STIM1: variants seen among roughly 807,000 people sequenced by gnomAD.
STIM1 encodes the protein stromal interaction molecule 1.
A neutral mutation model predicts 74.7 loss-of-function variants in STIM1; 25 were observed. The ratio of observed to expected loss-of-function variants is 0.33; its 90% CI spans 0.24 to 0.47. The LOEUF (loss-of-function observed/expected upper bound fraction) is 0.47, where lower values mean the gene tolerates loss of function less well. STIM1 is among the 20% of genes least tolerant of loss of function. STIM1 has a pLI of 1.00. For missense variants in STIM1, 728 were observed against 920.8 expected (o/e 0.79, Z 2.71); for synonymous variants, 328 against 348.8 (o/e 0.94, Z 0.66).
chr11:4,089,080 C>G (rs539575909), intron 12 of STIM1: 1 of 289,010 alleles, frequency 3.5e-6, no homozygotes, highest in African/African-American at 2.2e-5. Context: ...AAAAAAAAAT[C>G]AAAAATTTAG....
At chr11:4,082,486 T>C in intron 8 of STIM1, 135 bp downstream of exon 8, 1 of 976,568 alleles carries the variant, frequency 1.0e-6, no homozygotes, top group South Asian at 1.5e-5. Flanking sequence ...GTTCTGTTTC[T>C]TTCCTAATGT....
chr11:3,855,203 A>G (rs4367942), upstream of STIM1: 131,906 of 152,582 alleles, frequency 0.86, 57,281 homozygotes, highest in East Asian at 1. Context: ...GAGCCGGGTC[A>G]GGCTGTTGTC....
intron 1 of STIM1, among the ~76,000 whole-genome samples, chr11:3,922,915 T>C (rs1021336243): frequency 9.2e-5 from 14 of 151,940 alleles, no homozygotes; most frequent in African/African-American, 3.4e-4. Flanking sequence ...CTGGTTAACA[T>C]GGTGAAACCC....
At chr11:4,056,464 G>T in intron 4 of STIM1, among the ~76,000 whole-genome samples, 1 of 152,220 alleles carries the variant, frequency 6.6e-6, no homozygotes, top group Non-Finnish European at 1.5e-5. Context: ...GGGTGCTAGG[G>T]ATAAAGATGA....
chr11:3,948,515 A>G (rs1332505496), intron 1 of STIM1, among the ~76,000 whole-genome samples: 1 of 152,194 alleles, frequency 6.6e-6, no homozygotes, highest in Admixed American at 6.5e-5. Flanking sequence ...TTTACAGATG[A>G]AAAAATAGTG....
chr11:3,910,303 G>T (rs1383120932), intron 1 of STIM1, among the ~76,000 whole-genome samples: 1 of 152,224 alleles, frequency 6.6e-6, no homozygotes, highest in Non-Finnish European at 1.5e-5. Context: ...GAGTATGGCA[G>T]TTTAGGGACT....
At chr11:4,001,352 T>A (rs11030580) in intron 2 of STIM1, among the ~76,000 whole-genome samples, 5 of 151,610 alleles carry the variant, frequency 3.3e-5, no homozygotes, top group African/African-American at 1.2e-4. Context: ...TCGGGTTACC[T>A]TCAAAGGGAA....
intron 1 of STIM1, among the ~76,000 whole-genome samples, chr11:3,942,122 G>A (rs2093018279): frequency 6.6e-6 from 1 of 152,166 alleles, no homozygotes; most frequent in Non-Finnish European, 1.5e-5. Context: ...GGCAGTACTT[G>A]GATTGGGTTT....
chr11:4,002,648 A>C (rs1462935088), intron 2 of STIM1, among the ~76,000 whole-genome samples: 18 of 150,556 alleles, frequency 1.2e-4, no homozygotes, highest in African/African-American at 4.4e-4. Flanking sequence ...AAGATCCAAA[A>C]TTGACACCCT....
chr11:4,029,599 G>A (rs1292130398), intron 3 of STIM1, among the ~76,000 whole-genome samples: 1 of 150,490 alleles, frequency 6.6e-6, no homozygotes, highest in Non-Finnish European at 1.5e-5. Context: ...GGGAGAGAGA[G>A]ACAGAGAGAG....
chr11:3,941,329 T>A (rs1286049106), intron 1 of STIM1, among the ~76,000 whole-genome samples: 1 of 152,108 alleles, frequency 6.6e-6, no homozygotes, highest in Non-Finnish European at 1.5e-5. Flanking sequence ...TAAAGTGATA[T>A]TAAACAAAAC....
At chr11:4,011,207 G>C (rs1414184585) in intron 2 of STIM1, among the ~76,000 whole-genome samples, 1 of 152,156 alleles carries the variant, frequency 6.6e-6, no homozygotes, top group African/African-American at 2.4e-5. Flanking sequence ...ATAGTATCAT[G>C]ATTTATAATC....
chr11:3,989,565 C>T, intron 2 of STIM1: 3 of 526,508 alleles, frequency 5.7e-6, no homozygotes, highest in Admixed American at 5.2e-5. Flanking sequence ...TCCCGCCGCC[C>T]GAGCTGCTGA....
At chr11:4,054,988 T>C (rs1199763914) in intron 3 of STIM1, among the ~76,000 whole-genome samples, 4 of 152,210 alleles carry the variant, frequency 2.6e-5, no homozygotes, top group African/African-American at 7.2e-5. Flanking sequence ...TTCCACTGGA[T>C]TGGGAACTAA....
intron 1 of STIM1, among the ~76,000 whole-genome samples, chr11:3,881,779 G>A (rs1241125635): frequency 2.0e-5 from 3 of 152,168 alleles, no homozygotes; most frequent in African/African-American, 7.2e-5. Flanking sequence ...CGACTCCTGG[G>A]TTGAAGTGAT....
intron 5 of STIM1, among the ~76,000 whole-genome samples, chr11:4,066,693 A>T (rs1396395232): frequency 6.6e-6 from 1 of 152,186 alleles, no homozygotes; most frequent in African/African-American, 2.4e-5. Context: ...AAAAGAAAAA[A>T]AAAGTTGAAA....
chr11:4,047,149 A>G (rs2094199604), intron 3 of STIM1, among the ~76,000 whole-genome samples: 1 of 152,212 alleles, frequency 6.6e-6, no homozygotes, highest in Admixed American at 6.5e-5. Context: ...AAAAATGAAC[A>G]GGACACATTC....
intron 2 of STIM1, among the ~76,000 whole-genome samples, chr11:4,015,870 C>T (rs189358994): frequency 3.9e-5 from 6 of 152,250 alleles, no homozygotes; most frequent in Admixed American, 1.3e-4. Context: ...ATGAAGTTCT[C>T]GTACTGTGGT....
chr11:3,937,628 G>A (rs2092950898), intron 1 of STIM1, among the ~76,000 whole-genome samples: 1 of 151,884 alleles, frequency 6.6e-6, no homozygotes, highest in Admixed American at 6.5e-5. Context: ...CATTGAGGGA[G>A]GATGATGGCA....
Sources: gnomAD v4.1 joint callset for allele counts (sites outside exome capture counted in the v4.1 genomes callset) on GRCh38, gnomAD v4.1.1 for gene constraint, MANE v1.5 for transcripts, NCBI Gene and HGNC (gene_info 2026-07-23, HGNC 2026-07-21) for gene names.